RRM1: variants seen among roughly 807,000 people sequenced by gnomAD.
RRM1 encodes the protein ribonucleoside-diphosphate reductase large subunit.
A neutral mutation model predicts 101.5 loss-of-function variants in RRM1; 19 were observed. The observed-to-expected ratio is 0.19, with a 90% CI of 0.13 to 0.27. RRM1 has a LOEUF of 0.27. RRM1 is among the 10% of genes least tolerant of loss of function. The probability of loss-of-function intolerance (pLI) is 1.00; values close to 1 mark genes in which losing one functional copy is unlikely to be tolerated. For synonymous variants in RRM1, 298 were observed against 323.4 expected (o/e 0.92, Z 0.84); for missense variants, 500 against 962.9 (o/e 0.52, Z 6.36).
intron 2 of RRM1, among the ~76,000 whole-genome samples, chr11:4,104,503 T>C (rs2094555901): frequency 6.6e-6 from 1 of 152,180 alleles, no homozygotes; most frequent in Non-Finnish European, 1.5e-5. Context: ...ACCCTGTGCA[T>C]TACCTGTCTT....
rs775594201 is a variant in RRM1 at position 4,126,730 on chromosome 11, C to T, written c.1367C>T (p.Thr456Ile). Reference protein sequence around the residue: ...LASLALNMYVTSEHTYDFKKL... With the variant: ...LASLALNMYVISEHTYDFKKL... ...TCCCTGGCCCTGAATATGTATGTCACATCAGAACACACATACGACTTTAAG... is the reference window on the plus strand; with the variant it reads ...TCCCTGGCCCTGAATATGTATGTCATATCAGAACACACATACGACTTTAAG... Residue 456 changes from threonine to isoleucine, a missense_variant, in exon 13 of 19, where the codon ACA (threonine) becomes ATA (isoleucine). Physicochemically the swap from Thr to Ile is moderately conservative, Grantham distance 89. This residue lies in a region of RRM1 where 80 missense variants were observed against 170.9 expected (regional missense o/e 0.47). Transcript: ENST00000300738. 2.5e-6 allele frequency: 4 copies of T among 1,613,646 alleles called. No individual in the cohort carries two copies. The highest frequency in any genetic ancestry group is 1.1e-5 in the South Asian group (1 of 91,010).
intron 7 of RRM1, among the ~76,000 whole-genome samples, chr11:4,113,382 A>T (rs544758413): frequency 1.8e-4 from 28 of 152,224 alleles, no homozygotes; most frequent in Non-Finnish European, 3.4e-4. Flanking sequence ...AGAAAAAGAA[A>T]AGATTGGAAA....
Position 4,111,594 on chromosome 11 carries a change from T to C in RRM1, c.448-7T>C, listed in dbSNP as rs1274812249. On this transcript the variant is annotated splice_polypyrimidine_tract_variant and splice_region_variant and intron_variant, in intron 5 of 18. Transcript: ENST00000300738. ...CTGAAAATTTTTTGTTGTTTCTCTC[T>C]TTCTAGACGCTAGAGCGGTCTTATT... 8 of 1,593,990 alleles carry C rather than the reference T, an allele frequency of 5.0e-6. No homozygotes were observed. Among genetic ancestry groups the C allele is most frequent in the Non-Finnish European group, 6.8e-6 (8 of 1,169,658 alleles).
At chr11:4,100,604 CAAA>C (rs1401709136) in intron 1 of RRM1, among the ~76,000 whole-genome samples, 1 of 152,162 alleles carries the variant, frequency 6.6e-6, no homozygotes, top group Non-Finnish European at 1.5e-5. Context: ...ACAAAAGAGA[CAAA>C]AACTAAATCA....
chr11:4,126,960 C>T lies in RRM1; in HGVS notation c.1471-75C>T. On this transcript the variant is annotated intron_variant, in intron 13 of 18. Transcript: ENST00000300738. ...GGTTTGAGAAAAAGAGGTAGTCTGT[C>T]TCATTTGGTACAGAATGTTGCTTTT... 5.6e-6 allele frequency: 8 copies of T among 1,439,446 alleles called. No individual in the cohort carries two copies. The Admixed American group carries it at 1.2e-4, about 21-fold the overall frequency. The allele number at this position is 1,439,446 out of a possible 1,614,324, so 89.2% of individuals were successfully genotyped here.
Position 4,132,228 on chromosome 11 carries a change from T to C in RRM1, c.1770-58T>C, listed in dbSNP as rs1456011491. 3 of 1,566,466 alleles carry C rather than the reference T, an allele frequency of 1.9e-6. No homozygotes were observed. The highest frequency in any genetic ancestry group is 4.5e-5 in the East Asian group (2 of 44,644). On this transcript the variant is annotated intron_variant, in intron 15 of 18. Coordinates refer to ENST00000300738, the MANE Select transcript of RRM1 (RefSeq NM_001033.5). This position sits in a 1 kb window ranked among gnomAD's most constrained non-coding sequence, Gnocchi z 4.1. Reference sequence around the variant, plus strand: ...ATTTACTACAGTGACTTAAAGTAGCTGCTTTCCTGGCAGATTGTAGCTTTG... The same window carrying C: ...ATTTACTACAGTGACTTAAAGTAGCCGCTTTCCTGGCAGATTGTAGCTTTG...
Position 4,109,711 on chromosome 11 carries a change from A to C in RRM1, c.447+8A>C. 6.3e-7 allele frequency: 1 copy of C among 1,590,478 alleles called. No homozygotes were observed. On this transcript the variant is annotated splice_region_variant and intron_variant, in intron 5 of 18. Transcript: ENST00000300738. ...AATTACTTCGGCTTTAAGGTAAATAATGGGTTTCAAGTATGTGGGAATTTA... is the reference window on the plus strand; with the variant it reads ...AATTACTTCGGCTTTAAGGTAAATACTGGGTTTCAAGTATGTGGGAATTTA...
chr11:4,112,364 C>CT (rs923415394), intron 7 of RRM1, among the ~76,000 whole-genome samples: 195 of 146,392 alleles, frequency 1.3e-3, no homozygotes, highest in South Asian at 4.8e-3. Flanking sequence ...AATTATATTC[C>CT]TTTTTTTTTT....
intron 7 of RRM1, among the ~76,000 whole-genome samples, chr11:4,113,061 G>C (rs2133298373): frequency 6.6e-6 from 1 of 152,034 alleles, no homozygotes; most frequent in South Asian, 2.1e-4. Context: ...TAAGTAACAG[G>C]ATTAATGATG....
At chr11:4,131,076 A>C (rs146919657) in intron 15 of RRM1, among the ~76,000 whole-genome samples, 338 of 152,346 alleles carry the variant, frequency 2.2e-3, no homozygotes, top group African/African-American at 7.9e-3. Flanking sequence ...GGGTAATTTA[A>C]AAAGGAAAGA....
chr11:4,126,880 TGAAAG>T, intron 13 of RRM1, 47 bp downstream of exon 13: 3 of 1,522,136 alleles, frequency 2.0e-6, no homozygotes, highest in East Asian at 2.3e-5. Flanking sequence ...AAATCCAAAT[TGAAAG>T]GAATCAATCA....
chr11:4,117,150 C>G (rs1399820301), intron 7 of RRM1, among the ~76,000 whole-genome samples: 3 of 152,156 alleles, frequency 2.0e-5, no homozygotes, highest in African/African-American at 7.2e-5. Flanking sequence ...AAAAGGCTGA[C>G]AATTCCAAGC....
chr11:4,109,119 T>C (rs2094562098), intron 4 of RRM1, among the ~76,000 whole-genome samples: 2 of 152,072 alleles, frequency 1.3e-5, no homozygotes, highest in African/African-American at 4.8e-5. Flanking sequence ...GACTATAGAT[T>C]TTGAAGAGCC....
In RRM1 at chr11:4,101,560, C is replaced by CCCCT. The variant is rs1281347592; in HGVS notation, c.20-430_20-429insTCCC. Among the ~76,000 whole-genome samples the CCCCT allele has an allele frequency of 8.3e-5, 4 of 48,226 alleles. 1 individual carries two copies. Among genetic ancestry groups the CCCCT allele is most frequent in the African/African-American group, 1.4e-4 (3 of 21,770 alleles). The allele number at this position is 48,226 out of a possible 152,430, so 31.6% of individuals were successfully genotyped here. On this transcript the variant is annotated intron_variant, in intron 1 of 18. Transcript: ENST00000300738. ...AACTCCTGACCTCCAGTGATCCACA[C>CCCCT]CCCCCCCCGCTCCCTTGGCCTCCCA...
chr11:4,131,525 G>A (rs1427454799), intron 15 of RRM1, among the ~76,000 whole-genome samples: 1 of 152,178 alleles, frequency 6.6e-6, no homozygotes, highest in Non-Finnish European at 1.5e-5. Context: ...ATACGGAAAG[G>A]TACAGGTCAG....
intron 7 of RRM1, among the ~76,000 whole-genome samples, chr11:4,113,890 GC>G (rs2094568882): frequency 6.6e-6 from 1 of 152,184 alleles, no homozygotes; most frequent in African/African-American, 2.4e-5. Flanking sequence ...ATGTTGGGAG[GC>G]CGAGGCGGGC....
intron 12 of RRM1, among the ~76,000 whole-genome samples, chr11:4,125,374 T>C (rs922341218): frequency 6.6e-6 from 1 of 152,230 alleles, no homozygotes; most frequent in Non-Finnish European, 1.5e-5. Flanking sequence ...ATATAATATG[T>C]GGCCTTTTGT....
At position 4,130,466 on chromosome 11, in the gene RRM1, TG is replaced by T. The variant is rs2094598229; in HGVS notation, c.1769+1319del. Among the ~76,000 whole-genome samples, 4 of 151,984 alleles carry T rather than the reference TG, an allele frequency of 2.6e-5. No individual in the cohort carries two copies. The South Asian group carries it at 6.2e-4, about 24-fold the overall frequency. On this transcript the variant is annotated intron_variant, in intron 15 of 18. Coordinates refer to ENST00000300738, the MANE Select transcript of RRM1 (RefSeq NM_001033.5). ...ATCCCAGCACTTTGAGAGGCTGAGG[TG>T]GGTGGATCACTTGAGGTCAGGAGTT...
chr11:4,125,425 G>A (rs571484492), intron 12 of RRM1, among the ~76,000 whole-genome samples: 3 of 152,202 alleles, frequency 2.0e-5, no homozygotes, highest in Admixed American at 1.3e-4. Context: ...TATTCATGTT[G>A]TAGCATGTAT....
Sources: allele counts gnomAD v4.1 joint callset (sites outside exome capture counted in the v4.1 genomes callset), GRCh38; gene constraint gnomAD v4.1.1; regional missense constraint gnomAD v4.1.1; non-coding constraint Gnocchi (gnomAD v3.1); transcripts MANE v1.5; gene names NCBI Gene and HGNC (gene_info 2026-07-23, HGNC 2026-07-21).